ZC2HC1B: variants seen among roughly 807,000 people sequenced by gnomAD.
ZC2HC1B encodes the protein zinc finger C2HC domain-containing protein 1B.
A neutral mutation model predicts 31.0 loss-of-function variants in ZC2HC1B; 36 were observed. The observed-to-expected ratio is 1.16, with a 90% CI of 0.89 to 1.54. The LOEUF is 1.54. ZC2HC1B is among the 40% of genes most tolerant of loss of function. ZC2HC1B has a pLI of 0.00. For synonymous variants in ZC2HC1B, 73 were observed against 88.0 expected (o/e 0.83, Z 0.95); for missense variants, 260 against 268.6 (o/e 0.97, Z 0.22).
chr6:143,903,280 T>A lies in ZC2HC1B; in HGVS notation c.598+128T>A. On this transcript the variant is annotated intron_variant, in intron 6 of 7. Transcript: ENST00000237275. This position sits in a 1 kb window ranked among gnomAD's most constrained non-coding sequence, Gnocchi z 4.3. Reference sequence around the variant, plus strand: ...ACTGTTGCTTTTGGATGCAAAGATATTTGGGTTAGAGGTTAAAGCTTATTT... The same window carrying A: ...ACTGTTGCTTTTGGATGCAAAGATAATTGGGTTAGAGGTTAAAGCTTATTT... 1 of 819,724 alleles carries A rather than the reference T, an allele frequency of 1.2e-6. No individual in the cohort carries two copies. Among genetic ancestry groups the A allele is most frequent in the South Asian group, 1.7e-5 (1 of 59,132 alleles). The allele number at this position is 819,724 out of a possible 1,614,324, so 50.8% of individuals were successfully genotyped here. A position where few individuals can be genotyped will look rare whatever the true frequency, so the allele number is the denominator to read the frequency against.
Position 143,918,980 on chromosome 6 carries a change from A to G in ZC2HC1B, c.598+15828A>G, listed in dbSNP as rs906569591. Among the ~76,000 whole-genome samples, 11 of 151,530 alleles carry G rather than the reference A, an allele frequency of 7.3e-5. No homozygotes were observed. The highest frequency in any genetic ancestry group is 2.7e-4 in the African/African-American group (11 of 41,220). On this transcript the variant is annotated intron_variant, in intron 6 of 7. Coordinates refer to ENST00000237275, the MANE Select transcript of ZC2HC1B (RefSeq NM_001013623.3). The surrounding 1 kb of genome is among the most constrained non-coding windows in gnomAD (Gnocchi z 4.1). ...CTTGAGTCTCTTCACATCTTTTTTT[A>G]GTTCCCTGAGCATCTTCAGTTGTTT...
rs1265259076 is a variant in ZC2HC1B, at chr6:143,895,500, A to C, written c.350-3052A>C. 6.6e-6 allele frequency among the ~76,000 whole-genome samples: 1 copy of C among 152,230 alleles called. No individual in the cohort carries two copies. The highest frequency in any genetic ancestry group is 6.5e-5 in the Admixed American group (1 of 15,276). On this transcript the variant is annotated intron_variant, in intron 4 of 7. Coordinates refer to ENST00000237275, the MANE Select transcript of ZC2HC1B (RefSeq NM_001013623.3). The surrounding 1 kb of genome is among the most constrained non-coding windows in gnomAD (Gnocchi z 4.8). ...TTTATATACATATAACTAGAGTTAT[A>C]TATAACATGGCCTAACATGCATGAA...
intron 6 of ZC2HC1B, among the ~76,000 whole-genome samples, chr6:143,937,281 C>T (rs1259538910): frequency 6.6e-6 from 1 of 152,108 alleles, no homozygotes; most frequent in African/African-American, 2.4e-5. Flanking sequence ...CATGTGAGAG[C>T]TAGCAAATAA....
At position 143,901,556 on chromosome 6, in the gene ZC2HC1B, G is replaced by A. The variant is rs182961491; in HGVS notation, c.490-1488G>A. Among the ~76,000 whole-genome samples the A allele has an allele frequency of 1.7e-3, 259 of 152,066 alleles. 1 individual carries two copies. Among genetic ancestry groups the A allele is most frequent in the African/African-American group, 5.9e-3 (246 of 41,504 alleles). ...ATTACAGGCATGAGACCCCGTGCCC[G>A]GCCAGGGTTTGAATTTTAATTCTAT... On this transcript the variant is annotated intron_variant, in intron 5 of 7. Transcript: ENST00000237275.
chr6:143,884,281 A>G lies in ZC2HC1B; in HGVS notation c.29-23A>G, dbSNP rs1424399848. 1.3e-6 allele frequency: 2 copies of G among 1,520,488 alleles called. No individual in the cohort carries two copies. The highest frequency in any genetic ancestry group is 4.0e-5 in the Admixed American group (2 of 50,210). 94.2% of individuals were successfully genotyped at this position (1,520,488 alleles called of 1,614,324 possible). On this transcript the variant is annotated intron_variant, in intron 1 of 7. Transcript: ENST00000237275. The surrounding 1 kb of genome is among the most constrained non-coding windows in gnomAD (Gnocchi z 5.1). ...GAGGAAATTCCATGAAACTAACATA[A>G]TGTGCTCTTGAATTTTACACAGATG...
At chr6:143,893,345 C>A (rs1777621933) in intron 4 of ZC2HC1B, among the ~76,000 whole-genome samples, 1 of 151,994 alleles carries the variant, frequency 6.6e-6, no homozygotes, top group Non-Finnish European at 1.5e-5. Context: ...TAGGCGGATC[C>A]CTTGAGGCCG....
At chr6:143,925,010 T>C (rs1032375358) in intron 6 of ZC2HC1B, among the ~76,000 whole-genome samples, 3 of 152,118 alleles carry the variant, frequency 2.0e-5, no homozygotes, top group African/African-American at 7.2e-5. Context: ...ACAGAATGAG[T>C]AAGGAAGAAT....
chr6:143,875,627 T>G (rs1464844442), intron 1 of ZC2HC1B, among the ~76,000 whole-genome samples: 1 of 150,680 alleles, frequency 6.6e-6, no homozygotes, highest in Non-Finnish European at 1.5e-5. Context: ...TTATATAAGT[T>G]AGAAAACAAT....
Position 143,934,450 on chromosome 6 carries a change from A to T in ZC2HC1B, c.599-3199A>T, listed in dbSNP as rs909438078. 2.0e-5 allele frequency among the ~76,000 whole-genome samples: 3 copies of T among 152,006 alleles called. No homozygotes were observed. Among genetic ancestry groups the T allele is most frequent in the Non-Finnish European group, 4.4e-5 (3 of 68,012 alleles). Reference sequence around the variant, plus strand: ...TGAATTCCTTTTCTGGCATTTCATCAATTTTTTTGTTGCAATCTGTTGCTG... The same window carrying T: ...TGAATTCCTTTTCTGGCATTTCATCTATTTTTTTGTTGCAATCTGTTGCTG... On this transcript the variant is annotated intron_variant, in intron 6 of 7. Transcript: ENST00000237275. This position sits in a 1 kb window ranked among gnomAD's most constrained non-coding sequence, Gnocchi z 4.6.
At chr6:143,927,314 C>A (rs560747372) in intron 6 of ZC2HC1B, among the ~76,000 whole-genome samples, 84 of 152,070 alleles carry the variant, frequency 5.5e-4, no homozygotes, top group Non-Finnish European at 1.1e-3. Context: ...ACCTTCCCAC[C>A]TTTCCAAGTC....
chr6:143,877,272 C>CTTTTT lies in ZC2HC1B; in HGVS notation c.29-7009_29-7005dup, dbSNP rs34994479. On this transcript the variant is annotated intron_variant, in intron 1 of 7. Transcript: ENST00000237275. Reference sequence around the variant, plus strand: ...TTTCTCCTAAAGATTTTTTTAATTTCTTTTTTTTTTTTTTTTTTTTTTTTT... The same window carrying CTTTTT: ...TTTCTCCTAAAGATTTTTTTAATTTCTTTTTTTTTTTTTTTTTTTTTTTTTTTTTT... Among the ~76,000 whole-genome samples, 25 of 42,594 alleles carry CTTTTT rather than the reference C, an allele frequency of 5.9e-4. 3 individuals are homozygous for CTTTTT. The highest frequency in any genetic ancestry group is 2.9e-3 in the African/African-American group (24 of 8,320). The allele number at this position is 42,594 out of a possible 152,430, so 27.9% of individuals were successfully genotyped here.
At chr6:143,879,813 A>G (rs1234041843) in intron 1 of ZC2HC1B, among the ~76,000 whole-genome samples, 1 of 142,266 alleles carries the variant, frequency 7.0e-6, no homozygotes, top group Non-Finnish European at 1.5e-5. Flanking sequence ...TTCCTGCTCA[A>G]GTTGTCCCTG....
chr6:143,900,907 C>T (rs1317098198), intron 5 of ZC2HC1B, among the ~76,000 whole-genome samples: 3 of 152,052 alleles, frequency 2.0e-5, no homozygotes, highest in South Asian at 2.1e-4. Flanking sequence ...GGCACAATCT[C>T]GGCTCACTGC....
In ZC2HC1B at chr6:143,913,864, T is replaced by C. The variant is rs1394028162; in HGVS notation, c.598+10712T>C. 6.6e-6 allele frequency among the ~76,000 whole-genome samples: 1 copy of C among 152,220 alleles called. No individual in the cohort carries two copies. The highest frequency in any genetic ancestry group is 1.5e-5 in the Non-Finnish European group (1 of 68,028). On this transcript the variant is annotated intron_variant, in intron 6 of 7. Coordinates refer to ENST00000237275, the MANE Select transcript of ZC2HC1B (RefSeq NM_001013623.3). The surrounding 1 kb of genome is among the most constrained non-coding windows in gnomAD (Gnocchi z 5.7). ...TTTTCTTCATTCTCCGTGTATTGAG[T>C]TGTTTCCCTAATCAGTCCCAGTGTG...
At position 143,869,881 on chromosome 6, in the gene ZC2HC1B, C is replaced by A. The variant is rs949094597; in HGVS notation, c.28+5314C>A. On this transcript the variant is annotated intron_variant, in intron 1 of 7. Transcript: ENST00000237275. This position sits in a 1 kb window ranked among gnomAD's most constrained non-coding sequence, Gnocchi z 5.2. The stretch of plus-strand genomic sequence containing the variant: ...CCACTTTGTTCATGGGCCCATTGGG[C>A]GACAACAGGGGTGGCTGGGGAAAGA... 1.3e-5 allele frequency among the ~76,000 whole-genome samples: 2 copies of A among 152,156 alleles called. No homozygotes were observed. Among genetic ancestry groups the A allele is most frequent in the African/African-American group, 2.4e-5 (1 of 41,444 alleles).
rs1288454600 is a variant in ZC2HC1B, at chr6:143,869,840, A to T, written c.28+5273A>T. Among the ~76,000 whole-genome samples, 1 of 152,168 alleles carries T rather than the reference A, an allele frequency of 6.6e-6. No individual in the cohort carries two copies. The highest frequency in any genetic ancestry group is 1.5e-5 in the Non-Finnish European group (1 of 68,032). On this transcript the variant is annotated intron_variant, in intron 1 of 7. Transcript: ENST00000237275. The surrounding 1 kb of genome is among the most constrained non-coding windows in gnomAD (Gnocchi z 5.2). ...GTTGCTGAGTCCATGCATAACCTTC[A>T]TTCCTGCCACCATGGCCACTTTGTT... is the stretch of plus-strand genomic sequence containing the variant.
chr6:143,935,669 TTTTTTG>T, intron 6 of ZC2HC1B, among the ~76,000 whole-genome samples: 1 of 132,294 alleles, frequency 7.6e-6, no homozygotes, highest in African/African-American at 2.9e-5. Context: ...TTTTTTTTTT[TTTTTTG>T]AGACAGGATC....
At chr6:143,873,372 G>A (rs1278348471) in intron 1 of ZC2HC1B, among the ~76,000 whole-genome samples, 1 of 152,204 alleles carries the variant, frequency 6.6e-6, no homozygotes, top group African/African-American at 2.4e-5. Context: ...GAGTGTCCAT[G>A]GCTTTTCGAG....
rs1173407147 is a variant in ZC2HC1B, at chr6:143,918,071, ACCTTGCAGGACTC to A, written c.598+14925_598+14937del. On this transcript the variant is annotated intron_variant, in intron 6 of 7. Coordinates refer to ENST00000237275, the MANE Select transcript of ZC2HC1B (RefSeq NM_001013623.3). This position sits in a 1 kb window ranked among gnomAD's most constrained non-coding sequence, Gnocchi z 4.1. Reference sequence around the variant, plus strand: ...TTTCTGTCTAGGATCCTCCCACTTCACCTTGCAGGACTCCCTTGAGTATTTCTTGCAGGGCAGG... The same window carrying A: ...TTTCTGTCTAGGATCCTCCCACTTCACCTTGAGTATTTCTTGCAGGGCAGG... 2.6e-5 allele frequency among the ~76,000 whole-genome samples: 4 copies of A among 152,168 alleles called. No homozygotes were observed. The highest frequency in any genetic ancestry group is 5.9e-5 in the Non-Finnish European group (4 of 68,024).
Sources: gnomAD v4.1 joint callset for allele counts (sites outside exome capture counted in the v4.1 genomes callset) on GRCh38, gnomAD v4.1.1 for gene constraint, Gnocchi (gnomAD v3.1) non-coding constraint, MANE v1.5 for transcripts, NCBI Gene and HGNC (gene_info 2026-07-23, HGNC 2026-07-21) for gene names.